The following AGBL4 variants were observed in gnomAD, a reference collection of about 807,000 sequenced individuals.
AGBL4 encodes the protein cytosolic carboxypeptidase 6.
AGBL4 carries 58 observed loss-of-function variants against 66.4 expected under a neutral mutation model. That is an observed-to-expected ratio of 0.87 (90% CI 0.71 to 1.09). The LOEUF is 1.09. Ranked by LOEUF, AGBL4 falls within the 50% of genes least tolerant of loss-of-function variation. AGBL4 has a pLI of 0.00. For synonymous variants in AGBL4, 234 were observed against 222.9 expected (o/e 1.05, Z -0.44); for missense variants, 579 against 631.0 (o/e 0.92, Z 0.88).
chr1:49,141,251 C>G (rs895895996), intron 4 of AGBL4, among the ~76,000 whole-genome samples: 19 of 151,998 alleles, frequency 1.3e-4, no homozygotes, highest in African/African-American at 4.6e-4. Flanking sequence ...ATATTTTATG[C>G]ATTCATTCAT....
chr1:49,807,836 A>G (rs753011106), intron 2 of AGBL4, among the ~76,000 whole-genome samples: 9 of 152,184 alleles, frequency 5.9e-5, no homozygotes, highest in African/African-American at 1.7e-4. Context: ...CAGAGCCCCA[A>G]TGAATAGGAT....
intron 4 of AGBL4, among the ~76,000 whole-genome samples, chr1:49,207,624 C>T (rs562844951): frequency 2.1e-4 from 19 of 91,652 alleles, no homozygotes; most frequent in African/African-American, 7.4e-4. Context: ...TTCAAGGTCT[C>T]ATTCTGTTGC....
At chr1:49,906,437 G>A (rs1162993326) in intron 1 of AGBL4, among the ~76,000 whole-genome samples, 2 of 151,876 alleles carry the variant, frequency 1.3e-5, no homozygotes, top group Non-Finnish European at 2.9e-5. Context: ...TATTTTCGTG[G>A]TTATAAGTTT....
intron 11 of AGBL4, among the ~76,000 whole-genome samples, chr1:48,543,808 C>A (rs1376563102): frequency 6.6e-6 from 1 of 152,258 alleles, no homozygotes; most frequent in Non-Finnish European, 1.5e-5. Context: ...AGGCACTGCA[C>A]TGGCTGCTTT....
intron 3 of AGBL4, among the ~76,000 whole-genome samples, chr1:49,562,739 G>T (rs1571044769): frequency 6.6e-6 from 1 of 152,104 alleles, no homozygotes; most frequent in Non-Finnish European, 1.5e-5. Context: ...AAGTCAGGTA[G>T]CGTGATGCCT....
intron 3 of AGBL4, among the ~76,000 whole-genome samples, chr1:49,273,360 AAAT>A (rs1361430314): frequency 5.9e-5 from 9 of 151,634 alleles, no homozygotes; most frequent in African/African-American, 2.2e-4. Context: ...AGTATATTAA[AAAT>A]AAAAACATTT....
chr1:49,882,845 A>C (rs1383869460), intron 1 of AGBL4, among the ~76,000 whole-genome samples: 1 of 152,152 alleles, frequency 6.6e-6, no homozygotes, highest in African/African-American at 2.4e-5. Flanking sequence ...TGTTTGTTTT[A>C]ATAATGATGC....
chr1:48,711,987 C>T (rs114261043), intron 6 of AGBL4, among the ~76,000 whole-genome samples: 187 of 152,290 alleles, frequency 1.2e-3, no homozygotes, highest in African/African-American at 4.3e-3. Context: ...TGTTCTCCAA[C>T]CTCCTTTTCC....
At chr1:49,573,999 A>G (rs1478040167) in intron 3 of AGBL4, among the ~76,000 whole-genome samples, 3 of 152,152 alleles carry the variant, frequency 2.0e-5, no homozygotes, top group Non-Finnish European at 4.4e-5. Context: ...CTGAGGCAAC[A>G]GTGATGGCCT....
intron 2 of AGBL4, among the ~76,000 whole-genome samples, chr1:49,745,894 C>A (rs1033795837): frequency 1.3e-5 from 2 of 151,784 alleles, no homozygotes; most frequent in Non-Finnish European, 2.9e-5. Flanking sequence ...TAACAGAAAA[C>A]TACAGAACAC....
intron 6 of AGBL4, among the ~76,000 whole-genome samples, chr1:48,725,319 C>T (rs1647218445): frequency 6.6e-6 from 1 of 152,188 alleles, no homozygotes; most frequent in Non-Finnish European, 1.5e-5. Context: ...CCGAATCAGG[C>T]TCTCCAAGCC....
At chr1:49,192,851 G>C (rs999678030) in intron 4 of AGBL4, among the ~76,000 whole-genome samples, 1 of 152,116 alleles carries the variant, frequency 6.6e-6, no homozygotes, top group Non-Finnish European at 1.5e-5. Flanking sequence ...ACAACCCAGA[G>C]TACCTGACGT....
At position 49,425,647 on chromosome 1, in the gene AGBL4, G is replaced by A. The variant is rs112173771; in HGVS notation, c.283-179783C>T. On this transcript the variant is annotated intron_variant, in intron 3 of 13. Transcript: ENST00000371839. ...TCCCTGCAAACTTGGATGCACCCCT[G>A]CTCATACATATTAATTACTTTCAAT... 1.9e-3 allele frequency among the ~76,000 whole-genome samples: 289 copies of A among 152,250 alleles called. 2 individuals carry two copies. The highest frequency in any genetic ancestry group is 6.6e-3 in the African/African-American group (274 of 41,544).
At chr1:49,070,441 AGGG>A (rs1345122877) in intron 4 of AGBL4, among the ~76,000 whole-genome samples, 5 of 151,936 alleles carry the variant, frequency 3.3e-5, no homozygotes, top group Non-Finnish European at 7.3e-5. Flanking sequence ...TTTAGCATGA[AGGG>A]CTGTTGAATT....
At chr1:48,589,549 C>T (rs1030290122) in intron 10 of AGBL4, among the ~76,000 whole-genome samples, 2 of 152,176 alleles carry the variant, frequency 1.3e-5, no homozygotes. Flanking sequence ...CTGATCCCCT[C>T]CTTATCTCCT....
chr1:49,094,628 G>C (rs1645060436), intron 4 of AGBL4, among the ~76,000 whole-genome samples: 1 of 151,804 alleles, frequency 6.6e-6, no homozygotes, highest in Non-Finnish European at 1.5e-5. Flanking sequence ...TGTTCATCAG[G>C]GATATTGGTC....
chr1:49,331,507 A>G (rs1463450094), intron 3 of AGBL4, among the ~76,000 whole-genome samples: 4 of 152,082 alleles, frequency 2.6e-5, no homozygotes, highest in Non-Finnish European at 4.4e-5. Flanking sequence ...GGATCCCCCA[A>G]TACAGTACAG....
At chr1:49,979,472 A>G (rs1051156997) in intron 1 of AGBL4, among the ~76,000 whole-genome samples, 1 of 152,160 alleles carries the variant, frequency 6.6e-6, no homozygotes, top group African/African-American at 2.4e-5. Context: ...CGCCTCAAAA[A>G]AAAAAAAAAA....
At chr1:49,006,179 C>T (rs1046887738) in intron 5 of AGBL4, among the ~76,000 whole-genome samples, 14 of 152,102 alleles carry the variant, frequency 9.2e-5, no homozygotes, top group Non-Finnish European at 1.5e-4. Context: ...GCACCGTGCG[C>T]GAGCCAAAGC....
Sources: allele counts gnomAD v4.1 joint callset (sites outside exome capture counted in the v4.1 genomes callset), GRCh38; gene constraint gnomAD v4.1.1; transcripts MANE v1.5; gene names NCBI Gene and HGNC (gene_info 2026-07-23, HGNC 2026-07-21).